Variants in ZFPM2 observed in about 807,000 individuals in gnomAD.
The protein encoded by ZFPM2 is zinc finger protein ZFPM2.
A neutral mutation model predicts 98.6 loss-of-function variants in ZFPM2; 20 were observed. The observed-to-expected ratio is 0.20, with a 90% confidence interval of 0.14 to 0.29. The LOEUF (loss-of-function observed/expected upper bound fraction) is 0.29, where lower values mean the gene tolerates loss of function less well. Ranked by LOEUF, ZFPM2 falls within the 10% of genes least tolerant of loss-of-function variation. The probability of loss-of-function intolerance (pLI) is 1.00; values close to 1 mark genes in which losing one functional copy is unlikely to be tolerated. For synonymous variants in ZFPM2, 518 were observed against 502.7 expected, an observed-to-expected ratio of 1.03 and a Z score of -0.41; for missense variants, 1,310 against 1,388.6, an observed-to-expected ratio of 0.94 and a Z score of 0.90.
chr8:105,336,863 C>A (rs534934946), intron 1 of ZFPM2, among the ~76,000 whole-genome samples: 4 of 151,624 alleles, frequency 2.6e-5, no homozygotes, highest in Non-Finnish European at 4.4e-5. Flanking sequence ...CAGATCACTT[C>A]GTCTCATTTT....
chr8:105,573,697 A>G (rs1413858971), intron 4 of ZFPM2, among the ~76,000 whole-genome samples: 2 of 152,206 alleles, frequency 1.3e-5, no homozygotes, highest in South Asian at 4.1e-4. Flanking sequence ...GATTTGTACA[A>G]AAATTTGGTG....
chr8:105,414,484 T>C (rs184358829), intron 1 of ZFPM2, among the ~76,000 whole-genome samples: 1 of 152,170 alleles, frequency 6.6e-6, no homozygotes, highest in Admixed American at 6.6e-5. Context: ...AAGACATATG[T>C]ATTTGACTTA....
intron 5 of ZFPM2, among the ~76,000 whole-genome samples, chr8:105,685,396 G>A (rs1423021975): frequency 6.6e-6 from 1 of 152,092 alleles, no homozygotes; most frequent in Non-Finnish European, 1.5e-5. Context: ...AGGGGACCAT[G>A]AGTTGCCTCA....
chr8:105,426,790 AAAAAT>A (rs1811920798), intron 2 of ZFPM2, among the ~76,000 whole-genome samples: 2 of 70,106 alleles, frequency 2.9e-5, no homozygotes, highest in Non-Finnish European at 4.7e-5. Flanking sequence ...TAAAAATACA[AAAAAT>A]ACAAAAAATA....
intron 5 of ZFPM2, among the ~76,000 whole-genome samples, chr8:105,710,418 T>C (rs993170013): frequency 2.0e-5 from 3 of 152,130 alleles, no homozygotes; most frequent in Non-Finnish European, 4.4e-5. Flanking sequence ...CTAGATTTCA[T>C]TGGCCTAAGC....
intron 6 of ZFPM2, among the ~76,000 whole-genome samples, chr8:105,797,504 G>T (rs569232796): frequency 6.6e-6 from 1 of 152,158 alleles, no homozygotes; most frequent in Non-Finnish European, 1.5e-5. Context: ...ATTCAGTGAT[G>T]CTTCGTAATC....
At chr8:105,660,856 A>T (rs1457622290) in intron 5 of ZFPM2, among the ~76,000 whole-genome samples, 1 of 152,194 alleles carries the variant, frequency 6.6e-6, no homozygotes, top group East Asian at 1.9e-4. Context: ...TTCAGATTAC[A>T]TATAATATCA....
chr8:105,802,146 C>T lies in ZFPM2; in HGVS notation c.2064C>T (p.Thr688=), dbSNP rs1814043884. 2 of 1,613,914 alleles carry T rather than the reference C, an allele frequency of 1.2e-6. No individual in the cohort carries two copies. Among genetic ancestry groups the T allele is most frequent in the Admixed American group, 1.7e-5 (1 of 60,016 alleles). ...VDGESDPNKT[T]CEACNITFSR... is the part of the protein sequence containing the mutation. Reference sequence around the variant, plus strand: ...GGGAAAGTGACCCAAATAAGACTACCTGTGAAGCTTGCAACATTACCTTCA... The same window carrying T: ...GGGAAAGTGACCCAAATAAGACTACTTGTGAAGCTTGCAACATTACCTTCA... The change falls in exon 8 of 8, where the codon ACC becomes ACT. Residue 688 remains threonine, a synonymous_variant. Transcript: ENST00000407775.
At position 105,713,028 on chromosome 8, in the gene ZFPM2, T is replaced by G. The variant is rs143846868; in HGVS notation, c.533-75690T>G. 3.8e-3 allele frequency among the ~76,000 whole-genome samples: 576 copies of G among 152,210 alleles called. 3 individuals are homozygous for G. The highest frequency in any genetic ancestry group is 0.012 in the African/African-American group (496 of 41,534). ...CAGGTGTTTCTTGGTAGTACAATTTTATTTTCCTTTGGGTATATATCCAGT... is the reference window on the plus strand; with the variant it reads ...CAGGTGTTTCTTGGTAGTACAATTTGATTTTCCTTTGGGTATATATCCAGT... On this transcript the variant is annotated intron_variant, in intron 5 of 7. Coordinates refer to ENST00000407775, the MANE Select transcript of ZFPM2 (RefSeq NM_012082.4).
At chr8:105,401,665 GA>G (rs1811343850) in intron 1 of ZFPM2, among the ~76,000 whole-genome samples, 1 of 152,036 alleles carries the variant, frequency 6.6e-6, no homozygotes, top group East Asian at 1.9e-4. Context: ...TCTGAAGTTA[GA>G]AAACTGGTAA....
chr8:105,534,521 T>C (rs1391021792), intron 3 of ZFPM2, among the ~76,000 whole-genome samples: 1 of 151,732 alleles, frequency 6.6e-6, no homozygotes, highest in East Asian at 1.9e-4. Flanking sequence ...TTTTTGTCTG[T>C]CTTCCCAATT....
rs1814122465 is a variant in ZFPM2, at chr8:105,803,786, A to T, written c.*248A>T. 1 of 448,128 alleles carries T rather than the reference A, an allele frequency of 2.2e-6. No homozygotes were observed. The highest frequency in any genetic ancestry group is 2.0e-5 in the African/African-American group (1 of 50,626). The allele number at this position is 448,128 out of a possible 1,614,324, so 27.8% of individuals were successfully genotyped here. Reference sequence around the variant, plus strand: ...GCTGTGGTTATGTTATTTTTTATTTAAAAACTTTATATTAAAGTCATTTGT... The same window carrying T: ...GCTGTGGTTATGTTATTTTTTATTTTAAAACTTTATATTAAAGTCATTTGT... On this transcript the variant is annotated 3_prime_UTR_variant, in exon 8 of 8. Coordinates refer to ENST00000407775, the MANE Select transcript of ZFPM2 (RefSeq NM_012082.4).
At chr8:105,592,244 CT>C (rs1038685258) in intron 4 of ZFPM2, among the ~76,000 whole-genome samples, 24 of 151,960 alleles carry the variant, frequency 1.6e-4, no homozygotes, top group Admixed American at 3.3e-4. Flanking sequence ...TTTTTCCCCC[CT>C]GATGCATTGT....
chr8:105,687,267 G>T (rs1241088337), intron 5 of ZFPM2, among the ~76,000 whole-genome samples: 3 of 152,142 alleles, frequency 2.0e-5, no homozygotes, highest in Admixed American at 6.5e-5. Flanking sequence ...TGCTGTTGTT[G>T]TTGAGTCATT....
chr8:105,536,288 A>T (rs1013106329), intron 3 of ZFPM2, among the ~76,000 whole-genome samples: 2 of 151,972 alleles, frequency 1.3e-5, no homozygotes, highest in African/African-American at 2.4e-5. Context: ...CCATATCATC[A>T]ATTTTCTTTC....
chr8:105,795,486 C>T (rs143802000), intron 6 of ZFPM2, among the ~76,000 whole-genome samples: 145 of 149,498 alleles, frequency 9.7e-4, no homozygotes, highest in Middle Eastern at 7.1e-3. Context: ...CTTTAAGGGC[C>T]GTAGACTTAA....
chr8:105,351,210 A>G (rs1024917452), intron 1 of ZFPM2, among the ~76,000 whole-genome samples: 1 of 151,864 alleles, frequency 6.6e-6, no homozygotes, highest in Non-Finnish European at 1.5e-5. Context: ...ATGACATAGT[A>G]TTTGCATATA....
At chr8:105,327,128 A>C (rs1019500609) in intron 1 of ZFPM2, among the ~76,000 whole-genome samples, 1 of 151,584 alleles carries the variant, frequency 6.6e-6, no homozygotes, top group African/African-American at 2.4e-5. Flanking sequence ...TTTTGTGGGC[A>C]TCTCTTATTG....
At chr8:105,536,307 GTAT>G (rs1485077445) in intron 3 of ZFPM2, among the ~76,000 whole-genome samples, 15 of 151,900 alleles carry the variant, frequency 9.9e-5, no homozygotes, top group African/African-American at 3.6e-4. Context: ...TCATCTCAAG[GTAT>G]TATTATTGGT....
Sources: gnomAD v4.1 joint callset for allele counts (sites outside exome capture counted in the v4.1 genomes callset) on GRCh38, gnomAD v4.1.1 for gene constraint, MANE v1.5 for transcripts, NCBI Gene and HGNC (gene_info 2026-07-23, HGNC 2026-07-21) for gene names.